Variants in ANTXR1 observed in about 807,000 individuals in gnomAD.
ANTXR1 encodes the protein anthrax toxin receptor 1.
A neutral mutation model predicts 78.1 loss-of-function variants in ANTXR1; 19 were observed. The observed-to-expected ratio is 0.24, with a 90% confidence interval of 0.17 to 0.36. ANTXR1 has a LOEUF of 0.36. Ranked by LOEUF, ANTXR1 falls within the 10% of genes least tolerant of loss-of-function variation. ANTXR1 has a pLI of 1.00. For synonymous variants in ANTXR1, 273 were observed against 260.5 expected, an observed-to-expected ratio of 1.05 and a Z score of -0.46; for missense variants, 518 against 718.6, an observed-to-expected ratio of 0.72 and a Z score of 3.19.
At chr2:69,210,222 A>T (rs1675006560) in intron 17 of ANTXR1, among the ~76,000 whole-genome samples, 1 of 152,192 alleles carries the variant, frequency 6.6e-6, no homozygotes, top group Non-Finnish European at 1.5e-5. Context: ...TGCCCAGGGA[A>T]ATCTAATTTC....
chr2:69,071,835 G>C (rs78641240), intron 5 of ANTXR1, 48 bp downstream of exon 5: 1 of 1,568,790 alleles, frequency 6.4e-7, no homozygotes, highest in Non-Finnish European at 8.8e-7. Context: ...AACTTTTTCC[G>C]TGTTTGTTGC....
At chr2:69,203,585 T>C (rs1674824484) in intron 17 of ANTXR1, among the ~76,000 whole-genome samples, 1 of 152,152 alleles carries the variant, frequency 6.6e-6, no homozygotes, top group African/African-American at 2.4e-5. Flanking sequence ...GTAGGAACTG[T>C]CTCTGAGTAA....
intron 10 of ANTXR1, among the ~76,000 whole-genome samples, chr2:69,114,535 C>T (rs1025132970): frequency 6.6e-6 from 1 of 152,186 alleles, no homozygotes; most frequent in African/African-American, 2.4e-5. Flanking sequence ...AATCTTGATC[C>T]TCATGAACAC....
chr2:69,016,627 G>A (rs572128793), intron 1 of ANTXR1, among the ~76,000 whole-genome samples: 7 of 152,224 alleles, frequency 4.6e-5, no homozygotes, highest in African/African-American at 1.4e-4. Context: ...ATTACCAAAC[G>A]TCATCTGCGT....
chr2:69,145,519 C>G (rs1673198647), intron 12 of ANTXR1: 2 of 1,438,230 alleles, frequency 1.4e-6, no homozygotes, highest in African/African-American at 2.9e-5. Context: ...ACTGAGTGCC[C>G]CAACATGGAA....
At chr2:69,113,432 G>T (rs1203798936) in intron 10 of ANTXR1, among the ~76,000 whole-genome samples, 1 of 152,168 alleles carries the variant, frequency 6.6e-6, no homozygotes, top group Admixed American at 6.6e-5. Context: ...TTAAATATTT[G>T]TTCAACATCC....
chr2:69,130,228 G>T (rs1396041285), intron 12 of ANTXR1, among the ~76,000 whole-genome samples: 1 of 152,144 alleles, frequency 6.6e-6, no homozygotes, highest in Non-Finnish European at 1.5e-5. Flanking sequence ...GGGTTGGAAA[G>T]TCACAATCTT....
intron 17 of ANTXR1, among the ~76,000 whole-genome samples, chr2:69,206,906 C>T (rs1010194610): frequency 1.3e-5 from 2 of 152,180 alleles, no homozygotes; most frequent in Non-Finnish European, 2.9e-5. Flanking sequence ...ACCTTACAAG[C>T]AATTTGCATC....
chr2:69,028,102 G>C (rs1346371309), intron 1 of ANTXR1, among the ~76,000 whole-genome samples: 1 of 152,004 alleles, frequency 6.6e-6, no homozygotes. Flanking sequence ...GATAAATAAT[G>C]AATGAAAAAA....
intron 10 of ANTXR1, among the ~76,000 whole-genome samples, chr2:69,115,987 T>C (rs1672132444): frequency 6.6e-6 from 1 of 152,248 alleles, no homozygotes; most frequent in South Asian, 2.1e-4. Flanking sequence ...CCAACCAACC[T>C]ACATTTCACT....
intron 3 of ANTXR1, among the ~76,000 whole-genome samples, chr2:69,054,255 T>C (rs1476909938): frequency 6.6e-6 from 1 of 152,190 alleles, no homozygotes; most frequent in African/African-American, 2.4e-5. Context: ...CAAGAAGCGC[T>C]ATCCCAGTGT....
intron 12 of ANTXR1, among the ~76,000 whole-genome samples, chr2:69,126,134 A>G (rs1297964796): frequency 6.6e-6 from 1 of 152,238 alleles, no homozygotes; most frequent in Non-Finnish European, 1.5e-5. Flanking sequence ...GAAATGGGTT[A>G]TCATAAAAGA....
At chr2:69,117,592 T>G (rs1170550350) in intron 10 of ANTXR1, among the ~76,000 whole-genome samples, 1 of 152,238 alleles carries the variant, frequency 6.6e-6, no homozygotes, top group Non-Finnish European at 1.5e-5. Context: ...GTGATATCAT[T>G]AAGCAATCAG....
At chr2:69,020,394 CTGTTTTGTTTTGTTT>C (rs57902226) in intron 1 of ANTXR1, among the ~76,000 whole-genome samples, 9 of 151,302 alleles carry the variant, frequency 5.9e-5, no homozygotes, top group South Asian at 2.1e-4. Context: ...TAAGGCAAAA[CTGTTTTGTTTTGTTT>C]TGTTTTGTTT....
intron 12 of ANTXR1, among the ~76,000 whole-genome samples, chr2:69,143,978 G>C (rs1673146637): frequency 6.6e-6 from 1 of 152,146 alleles, no homozygotes. Context: ...ATAAACTCTG[G>C]GAGAGAGAGA....
chr2:69,122,649 G>T (rs1672386886), intron 10 of ANTXR1, among the ~76,000 whole-genome samples: 1 of 152,108 alleles, frequency 6.6e-6, no homozygotes, highest in Non-Finnish European at 1.5e-5. Flanking sequence ...CAACGTGCAG[G>T]TTTGTTACAT....
intron 17 of ANTXR1, among the ~76,000 whole-genome samples, chr2:69,213,205 C>G (rs184200603): frequency 1.2e-3 from 184 of 152,278 alleles, no homozygotes; most frequent in African/African-American, 4.3e-3. Context: ...CCAGTGCCTT[C>G]GTTTCACAGA....
intron 8 of ANTXR1, among the ~76,000 whole-genome samples, chr2:69,089,138 G>A (rs973818038): frequency 6.6e-6 from 1 of 152,182 alleles, no homozygotes; most frequent in Non-Finnish European, 1.5e-5. Context: ...GGGAATCAAA[G>A]TATAAAAATG....
rs762235586 is a variant in ANTXR1, at chr2:69,193,411, A to G, written c.1430A>G (p.Asp477Gly). Residue 477 changes from aspartate (D) to glycine (G), a missense_variant, in exon 17 of 18, where the codon GAC becomes GGC. Asp to Gly is a moderately conservative substitution (Grantham distance 94). This residue lies in a region of ANTXR1 where 192 missense variants were observed against 230.2 expected (regional missense o/e 0.83). Transcript: ENST00000303714. ...TCTGTGATGCGTCCACAGCCAGGAG[A>G]CACGGTAGGACTCGTTAATTCATTA... is the stretch of plus-strand genomic sequence containing the variant. ...RVSVMRPQPG[D>G]TGRCINFTRV... 1 of 1,613,212 alleles carries G rather than the reference A, an allele frequency of 6.2e-7. No individual in the cohort carries two copies. The highest frequency in any genetic ancestry group is 1.1e-5 in the South Asian group (1 of 91,038).
Sources: gnomAD v4.1 joint callset for allele counts (sites outside exome capture counted in the v4.1 genomes callset) on GRCh38, gnomAD v4.1.1 for gene constraint, gnomAD v4.1.1 regional missense constraint, MANE v1.5 for transcripts, NCBI Gene and HGNC (gene_info 2026-07-23, HGNC 2026-07-21) for gene names.